NRG1: variants seen among roughly 807,000 people sequenced by gnomAD.
NRG1 encodes the protein pro-neuregulin-1, membrane-bound isoform.
NRG1 carries 18 observed loss-of-function variants against 63.8 expected under a neutral mutation model. That is an observed-to-expected ratio of 0.28 (90% CI 0.19 to 0.42). The LOEUF (loss-of-function observed/expected upper bound fraction) is 0.42. Among genes scored for constraint, NRG1 ranks in the 10% least tolerant of loss-of-function variants. NRG1 has a pLI of 1.00. For synonymous variants in NRG1, 302 were observed against 301.3 expected (o/e 1.00, Z -0.02); for missense variants, 762 against 814.7 (o/e 0.94, Z 0.79).
chr8:32,316,907 A>C (rs1586790990), intron 1 of NRG1, among the ~76,000 whole-genome samples: 1 of 152,128 alleles, frequency 6.6e-6, no homozygotes, highest in East Asian at 1.9e-4. Context: ...CTTGTGGTGG[A>C]ATAGGTACTT....
chr8:32,638,450 A>C (rs1322546801), intron 5 of NRG1, among the ~76,000 whole-genome samples: 1 of 152,190 alleles, frequency 6.6e-6, no homozygotes, highest in Non-Finnish European at 1.5e-5. Context: ...TTTTACTCCA[A>C]ATAACTACTG....
At chr8:31,730,475 A>G (rs1453281794) in intron 1 of NRG1, among the ~76,000 whole-genome samples, 3 of 152,178 alleles carry the variant, frequency 2.0e-5, no homozygotes, top group Admixed American at 6.6e-5. Flanking sequence ...ACACATAACT[A>G]TTGAATAATT....
chr8:32,401,907 TTTTG>T (rs112688278), intron 1 of NRG1, among the ~76,000 whole-genome samples: 44 of 152,252 alleles, frequency 2.9e-4, no homozygotes, highest in African/African-American at 9.4e-4. Flanking sequence ...TGTTTGGTTT[TTTTG>T]TTTGTTTGTT....
At chr8:31,970,983 G>T (rs554386001) in intron 1 of NRG1, among the ~76,000 whole-genome samples, 1 of 152,014 alleles carries the variant, frequency 6.6e-6, no homozygotes, top group East Asian at 2.0e-4. Flanking sequence ...GGCGGAGCTT[G>T]CAGTGAGCCG....
chr8:32,374,331 G>A (rs16879273), intron 1 of NRG1, among the ~76,000 whole-genome samples: 17,201 of 152,084 alleles, frequency 0.11, 1,562 homozygotes, highest in East Asian at 0.57. Flanking sequence ...CAACTGCTGC[G>A]TTCCACAACA....
intron 1 of NRG1, among the ~76,000 whole-genome samples, chr8:32,181,838 T>C (rs1841459139): frequency 6.6e-6 from 1 of 151,860 alleles, no homozygotes; most frequent in African/African-American, 2.4e-5. Context: ...TATTTATAAC[T>C]GAAAAAAAAA....
At chr8:32,307,442 T>C (rs1356148872) in intron 1 of NRG1, among the ~76,000 whole-genome samples, 2 of 25,944 alleles carry the variant, frequency 7.7e-5, no homozygotes, top group Non-Finnish European at 1.4e-4. Context: ...CCTTCTTTTG[T>C]GGTTCAGAGG....
intron 1 of NRG1, among the ~76,000 whole-genome samples, chr8:32,562,357 C>T (rs1241291235): frequency 6.6e-6 from 1 of 152,094 alleles, no homozygotes; most frequent in African/African-American, 2.4e-5. Flanking sequence ...TAGTGATCCT[C>T]CCACCTTAAC....
chr8:32,750,847 G>A (rs1027678265), intron 7 of NRG1, among the ~76,000 whole-genome samples: 6 of 151,992 alleles, frequency 3.9e-5, no homozygotes, highest in African/African-American at 1.4e-4. Flanking sequence ...TCTATTACTA[G>A]GGAGCACGTT....
chr8:31,765,027 G>A (rs1362802318), intron 1 of NRG1, among the ~76,000 whole-genome samples: 2 of 151,088 alleles, frequency 1.3e-5, no homozygotes, highest in African/African-American at 4.9e-5. Context: ...GTGTTTTATA[G>A]TTTTCAGTAT....
At chr8:31,871,921 TG>T in intron 1 of NRG1, among the ~76,000 whole-genome samples, 1 of 152,170 alleles carries the variant, frequency 6.6e-6, no homozygotes, top group Admixed American at 6.5e-5. Context: ...AAGGATAATG[TG>T]GCTTTTATTT....
At chr8:31,961,202 G>A (rs549665119) in intron 1 of NRG1, among the ~76,000 whole-genome samples, 3 of 152,296 alleles carry the variant, frequency 2.0e-5, no homozygotes, top group South Asian at 2.1e-4. Flanking sequence ...AATCGATGCC[G>A]ATAGAGTAAA....
chr8:32,474,264 A>G (rs1301024290), intron 1 of NRG1, among the ~76,000 whole-genome samples: 1 of 152,180 alleles, frequency 6.6e-6, no homozygotes, highest in Non-Finnish European at 1.5e-5. Context: ...CCCATTCCTC[A>G]AAACATTCTG....
chr8:31,947,618 T>A (rs1224934748), intron 1 of NRG1, among the ~76,000 whole-genome samples: 2 of 152,018 alleles, frequency 1.3e-5, no homozygotes, highest in African/African-American at 2.4e-5. Flanking sequence ...TGAATATTGA[T>A]CAATTTAGTC....
intron 1 of NRG1, among the ~76,000 whole-genome samples, chr8:31,788,730 T>A (rs1185333171): frequency 6.6e-6 from 1 of 152,216 alleles, no homozygotes; most frequent in Non-Finnish European, 1.5e-5. Flanking sequence ...ACTACATTAG[T>A]TAACTCTCTT....
At chr8:32,236,587 G>C (rs572824072) in intron 1 of NRG1, among the ~76,000 whole-genome samples, 1 of 152,246 alleles carries the variant, frequency 6.6e-6, no homozygotes, top group East Asian at 1.9e-4. Flanking sequence ...TAGATCATCA[G>C]TTCACTTTCC....
At chr8:32,710,756 T>A (rs1471894555) in intron 5 of NRG1, among the ~76,000 whole-genome samples, 1 of 152,204 alleles carries the variant, frequency 6.6e-6, no homozygotes, top group Non-Finnish European at 1.5e-5. Context: ...TTAGTCTAAC[T>A]ACTCAAGATC....
rs183980568 is a variant in NRG1, at chr8:31,738,266, G to T, written c.37+98835G>T. ...TGCAAGAGTAACTAAGGTGGTTAGA[G>T]AACAGGAGGTTGGTACTGTAGTGCT... On this transcript the variant is annotated intron_variant, in intron 1 of 10. Transcript: ENST00000519301. Among the ~76,000 whole-genome samples the T allele has an allele frequency of 3.1e-3, 476 of 152,190 alleles. 1 individual carries two copies. The highest frequency in any genetic ancestry group is 6.8e-3 in the Middle Eastern group (2 of 292).
At chr8:32,578,507 AG>A (rs1840070617) in intron 1 of NRG1, among the ~76,000 whole-genome samples, 4 of 151,742 alleles carry the variant, frequency 2.6e-5, no homozygotes, top group Non-Finnish European at 5.9e-5. Flanking sequence ...AAAATTCTTA[AG>A]GGTTTGAATT....
Sources: gnomAD v4.1 joint callset for allele counts (sites outside exome capture counted in the v4.1 genomes callset) on GRCh38, gnomAD v4.1.1 for gene constraint, MANE v1.5 for transcripts, NCBI Gene and HGNC (gene_info 2026-07-23, HGNC 2026-07-21) for gene names.